Variants in IQCM observed in about 807,000 individuals in gnomAD.
The protein encoded by IQCM is IQ domain-containing protein M.
A neutral mutation model predicts 57.6 loss-of-function variants in IQCM; 45 were observed. That is an observed-to-expected ratio of 0.78 (90% CI 0.62 to 1.00). The LOEUF (loss-of-function observed/expected upper bound fraction) is 1.00, where lower values mean the gene tolerates loss of function less well. Ranked by LOEUF, IQCM falls within the 50% of genes least tolerant of loss-of-function variation. IQCM has a pLI of 0.00. For missense variants in IQCM, 468 were observed against 511.6 expected, an observed-to-expected ratio of 0.91 and a Z score of 0.82; for synonymous variants, 148 against 158.9, an observed-to-expected ratio of 0.93 and a Z score of 0.51.
At chr4:149,389,421 C>T (rs547782651) in intron 13 of IQCM, among the ~76,000 whole-genome samples, 5 of 151,810 alleles carry the variant, frequency 3.3e-5, no homozygotes, top group South Asian at 4.2e-4. Context: ...ATGTTTATTG[C>T]GGCATTATTC....
intron 5 of IQCM, among the ~76,000 whole-genome samples, chr4:149,727,687 C>T (rs1039751101): frequency 6.6e-6 from 1 of 152,140 alleles, no homozygotes; most frequent in Non-Finnish European, 1.5e-5. Context: ...ATCCCCCCTT[C>T]CTGGTTGTTT....
At chr4:149,610,469 A>G (rs1156443593) in intron 8 of IQCM, among the ~76,000 whole-genome samples, 1 of 152,112 alleles carries the variant, frequency 6.6e-6, no homozygotes, top group Non-Finnish European at 1.5e-5. Context: ...ACCTGACTTC[A>G]AATTATACTA....
At chr4:149,753,050 T>C (rs1288078575) in intron 2 of IQCM, among the ~76,000 whole-genome samples, 2 of 152,016 alleles carry the variant, frequency 1.3e-5, no homozygotes, top group Admixed American at 1.3e-4. Flanking sequence ...TACAAAACTG[T>C]GAAACAGAAA....
intron 12 of IQCM, among the ~76,000 whole-genome samples, chr4:149,463,954 C>T (rs6835781): frequency 0.079 from 12,034 of 152,152 alleles, 613 homozygotes; most frequent in Non-Finnish European, 0.12. Context: ...GGACCTTTTT[C>T]GAAAGTTTTG....
intron 7 of IQCM, among the ~76,000 whole-genome samples, chr4:149,637,632 T>C (rs1399937584): frequency 6.6e-6 from 1 of 152,144 alleles, no homozygotes; most frequent in Non-Finnish European, 1.5e-5. Context: ...CAAGACTTAA[T>C]ATAAAGCTAC....
At chr4:149,442,486 A>T (rs1736043650) in intron 12 of IQCM, among the ~76,000 whole-genome samples, 1 of 152,086 alleles carries the variant, frequency 6.6e-6, no homozygotes, top group African/African-American at 2.4e-5. Context: ...TGCTTAACTG[A>T]ATGTCCAAGG....
intron 7 of IQCM, among the ~76,000 whole-genome samples, chr4:149,642,451 A>G (rs946876198): frequency 2.6e-5 from 4 of 152,176 alleles, no homozygotes; most frequent in Non-Finnish European, 5.9e-5. Flanking sequence ...TTCCAACTTT[A>G]AGGCAATGAA....
chr4:149,554,546 C>G lies in IQCM; in HGVS notation c.949-1259G>C, dbSNP rs183447929. ...AGCCAGGATGGTCTCGATCTCCTGA[C>G]CTCATGATCTGCCCACCTCGGCCTC... On this transcript the variant is annotated intron_variant, in intron 10 of 13. Coordinates refer to ENST00000636793, the MANE Select transcript of IQCM (RefSeq NM_001363507.2). Among the ~76,000 whole-genome samples, 58 of 151,952 alleles carry G rather than the reference C, an allele frequency of 3.8e-4. 1 individual carries two copies. The highest frequency in any genetic ancestry group is 1.4e-3 in the African/African-American group (58 of 41,452).
At chr4:149,784,948 A>G (rs1295544473) in intron 2 of IQCM, among the ~76,000 whole-genome samples, 1 of 152,250 alleles carries the variant, frequency 6.6e-6, no homozygotes, top group Non-Finnish European at 1.5e-5. Flanking sequence ...TAGATAAGTT[A>G]ATGAACAAAT....
chr4:149,671,085 G>C (rs1195352195), intron 7 of IQCM, among the ~76,000 whole-genome samples: 2 of 151,956 alleles, frequency 1.3e-5, no homozygotes, highest in African/African-American at 4.8e-5. Context: ...TTGTACCTCT[G>C]GTGGAATTTG....
intron 9 of IQCM, among the ~76,000 whole-genome samples, chr4:149,569,496 G>T (rs888812651): frequency 6.6e-6 from 1 of 152,060 alleles, no homozygotes; most frequent in African/African-American, 2.4e-5. Context: ...CTCTGAGATT[G>T]TTTATTATTA....
intron 2 of IQCM, among the ~76,000 whole-genome samples, chr4:149,803,949 G>T (rs1025050702): frequency 2.0e-5 from 3 of 151,850 alleles, no homozygotes; most frequent in African/African-American, 7.3e-5. Context: ...CTCTGCCCTT[G>T]GGTTGTGATC....
chr4:149,428,817 T>C (rs1009087750), intron 13 of IQCM, among the ~76,000 whole-genome samples: 1 of 151,808 alleles, frequency 6.6e-6, no homozygotes, highest in East Asian at 1.9e-4. Context: ...GTTCTAGTAT[T>C]AATCACATCA....
intron 12 of IQCM, among the ~76,000 whole-genome samples, chr4:149,443,412 A>G (rs1206573552): frequency 2.6e-5 from 4 of 152,054 alleles, no homozygotes; most frequent in Non-Finnish European, 5.9e-5. Flanking sequence ...TCCAACAGGC[A>G]ATAACAGCTG....
chr4:149,484,197 C>G (rs1560899517), intron 12 of IQCM, among the ~76,000 whole-genome samples: 3 of 151,818 alleles, frequency 2.0e-5, no homozygotes, highest in Non-Finnish European at 4.4e-5. Flanking sequence ...TGTATCTTGA[C>G]AGGTGAAGTA....
rs76728272 is a variant in IQCM at position 149,395,636 on chromosome 4, G to C, written c.1390+37760C>G. ...GCCCAACTGACATGTGGTTGTCTTT[G>C]CCAAAGAAAAAGAATGAATCTAATG... On this transcript the variant is annotated intron_variant, in intron 13 of 13. Coordinates refer to ENST00000636793, the MANE Select transcript of IQCM (RefSeq NM_001363507.2). Among the ~76,000 whole-genome samples, 487 of 152,038 alleles carry C rather than the reference G, an allele frequency of 3.2e-3. 6 individuals are homozygous for C. In the East Asian group the frequency reaches 0.035, roughly 11 times the overall value.
chr4:149,686,648 G>T (rs548064624), intron 5 of IQCM, among the ~76,000 whole-genome samples, 180 bp from the exon 6 acceptor site: 2 of 151,668 alleles, frequency 1.3e-5, no homozygotes, highest in East Asian at 3.9e-4. Flanking sequence ...ATGCTACTCA[G>T]ATGCTTTGCA....
chr4:149,704,333 G>A (rs1462739174), intron 5 of IQCM, among the ~76,000 whole-genome samples: 1 of 151,806 alleles, frequency 6.6e-6, no homozygotes, highest in Admixed American at 6.6e-5. Context: ...TTAGAACAGG[G>A]ATTGGCAAAC....
chr4:149,381,413 G>A (rs1430235828), intron 13 of IQCM, among the ~76,000 whole-genome samples: 1 of 151,952 alleles, frequency 6.6e-6, no homozygotes, highest in African/African-American at 2.4e-5. Context: ...ATCTTATAAT[G>A]GCATCTCCTC....
Sources: allele counts gnomAD v4.1 joint callset (sites outside exome capture counted in the v4.1 genomes callset), GRCh38; gene constraint gnomAD v4.1.1; transcripts MANE v1.5; gene names NCBI Gene and HGNC (gene_info 2026-07-23, HGNC 2026-07-21).